Variants in IRAK4 observed in about 807,000 individuals in gnomAD.
IRAK4 encodes interleukin 1 receptor associated kinase 4.
IRAK4 carries 44 observed loss-of-function variants against 51.8 expected under a neutral mutation model. The observed-to-expected ratio is 0.85, with a 90% CI of 0.67 to 1.09. IRAK4 has a LOEUF of 1.09. IRAK4 is among the 50% of genes least tolerant of loss of function. The pLI is 0.00. For synonymous variants in IRAK4, 149 were observed against 174.1 expected (o/e 0.86, Z 1.13); for missense variants, 487 against 538.0 (o/e 0.91, Z 0.94).
At position 43,768,085 on chromosome 12, in the gene IRAK4, G is replaced by T; in HGVS notation, c.-9-18G>T. 2 of 1,599,832 alleles carry T rather than the reference G, an allele frequency of 1.3e-6. No homozygotes were observed. Among genetic ancestry groups the T allele is most frequent in the Non-Finnish European group, 8.6e-7 (1 of 1,168,068 alleles). ...TAAAAGTACTGTAAAATTTTAATGA[G>T]ATTTTTCCATATTTTAGGAATAGAA... On this transcript the variant is annotated intron_variant, in intron 1 of 11. Coordinates refer to ENST00000613694, the MANE Select transcript of IRAK4 (RefSeq NM_016123.4).
intron 3 of IRAK4, 66 bp from the exon 4 acceptor site, chr12:43,772,114 A>G: frequency 1.6e-6 from 2 of 1,253,016 alleles, no homozygotes; most frequent in Non-Finnish European, 2.3e-6. Flanking sequence ...CCAAGTTTCT[A>G]GTTTAACTTT....
intron 6 of IRAK4, among the ~76,000 whole-genome samples, chr12:43,776,614 A>G (rs549571082): frequency 3.3e-5 from 5 of 152,354 alleles, no homozygotes; most frequent in African/African-American, 1.2e-4. Flanking sequence ...CAGCATCCAT[A>G]TTACATACTG....
chr12:43,778,529 G>T (rs368250591), intron 8 of IRAK4, among the ~76,000 whole-genome samples: 1 of 151,986 alleles, frequency 6.6e-6, no homozygotes, highest in Non-Finnish European at 1.5e-5. Context: ...TGTTTTAATA[G>T]TAGTTTATTC....
At chr12:43,780,295 A>G (rs1941662008) in intron 8 of IRAK4, among the ~76,000 whole-genome samples, 2 of 152,196 alleles carry the variant, frequency 1.3e-5, no homozygotes, top group Admixed American at 6.5e-5. Context: ...AGTGAAGGGG[A>G]CAGCTAGAAA....
At chr12:43,764,767 C>A (rs1248981405) in intron 1 of IRAK4, among the ~76,000 whole-genome samples, 2 of 151,128 alleles carry the variant, frequency 1.3e-5, no homozygotes, top group East Asian at 3.9e-4. Context: ...TGAAGCTTTC[C>A]CAGGTGTTTT....
At chr12:43,761,808 C>T (rs1939587648) in intron 1 of IRAK4, among the ~76,000 whole-genome samples, 1 of 152,202 alleles carries the variant, frequency 6.6e-6, no homozygotes, top group South Asian at 2.1e-4. Context: ...ATTCCATAAG[C>T]AGGTGCTTAT....
chr12:43,784,354 A>G (rs1163471736), intron 10 of IRAK4, among the ~76,000 whole-genome samples: 2 of 152,104 alleles, frequency 1.3e-5, no homozygotes, highest in Non-Finnish European at 2.9e-5. Context: ...ATCTCCTCCA[A>G]TTTAATTCTG....
chr12:43,764,625 A>G (rs917721258), intron 1 of IRAK4, among the ~76,000 whole-genome samples: 1 of 152,180 alleles, frequency 6.6e-6, no homozygotes, highest in Admixed American at 6.5e-5. Context: ...TTGGGAAACA[A>G]AAAGAAGTCA....
In IRAK4 at chr12:43,777,660, T is replaced by C. The variant is rs1399012494; in HGVS notation, c.747T>C (p.Leu249=). Residue 249 remains leucine (L), a synonymous_variant, in exon 7 of 12, where the codon CTT becomes CTC. Transcript: ENST00000613694. ...AACATGAAAACTTAGTAGAACTACTTGGTTTCTCAAGTGATGGAGATGACC... is the reference window on the plus strand; with the variant it reads ...AACATGAAAACTTAGTAGAACTACTCGGTTTCTCAAGTGATGGAGATGACC... ...KCQHENLVEL[L]GFSSDGDDLC... The C allele has an allele frequency of 6.2e-7, 1 of 1,609,740 alleles. No individual in the cohort carries two copies. The highest frequency in any genetic ancestry group is 8.5e-7 in the Non-Finnish European group (1 of 1,177,980).
intron 1 of IRAK4, among the ~76,000 whole-genome samples, chr12:43,761,598 T>C (rs971505522): frequency 2.6e-5 from 4 of 152,188 alleles, no homozygotes; most frequent in East Asian, 3.8e-4. Flanking sequence ...TGCAGAGAAA[T>C]GTATTTACTA....
Position 43,772,970 on chromosome 12 carries a change from A to G in IRAK4, c.549A>G (p.Arg183=). 1 of 1,611,646 alleles carries G rather than the reference A, an allele frequency of 6.2e-7. No homozygotes were observed. The highest frequency in any genetic ancestry group is 2.2e-5 in the East Asian group (1 of 44,782). ...ATGTCACAAATAACTTTGATGAACG[A>G]CCCATTTCTGTTGGTGGTAATAAAA... ...LKNVTNNFDE[R]PISVGGNKMG... is the part of the protein sequence containing the mutation. The change falls in exon 5 of 12, where the codon CGA becomes CGG. Residue 183 remains arginine (R), a synonymous_variant. Transcript: ENST00000613694.
At chr12:43,773,638 G>T (rs1365111648) in intron 5 of IRAK4, among the ~76,000 whole-genome samples, 1 of 151,468 alleles carries the variant, frequency 6.6e-6, no homozygotes, top group Non-Finnish European at 1.5e-5. Flanking sequence ...GCTTTTGTAG[G>T]GTTTTTTTTT....
chr12:43,766,472 G>C (rs1347749452), intron 1 of IRAK4, among the ~76,000 whole-genome samples: 1 of 151,946 alleles, frequency 6.6e-6, no homozygotes, highest in Admixed American at 6.6e-5. Context: ...CCCTGTCACT[G>C]TTTGTATCCC....
chr12:43,770,578 A>T (rs1940643440), intron 2 of IRAK4, among the ~76,000 whole-genome samples: 1 of 152,160 alleles, frequency 6.6e-6, no homozygotes, highest in African/African-American at 2.4e-5. Context: ...TCCAGTAAGT[A>T]CCCAGTAAAT....
At chr12:43,777,912 A>G (rs780051263) in intron 7 of IRAK4, among the ~76,000 whole-genome samples, 168 bp downstream of exon 7, 20 of 152,236 alleles carry the variant, frequency 1.3e-4, no homozygotes, top group South Asian at 2.1e-4. Context: ...TATGTCAACA[A>G]CTGGGTTGCC....
intron 1 of IRAK4, chr12:43,759,441 G>C (rs998117054): frequency 1.3e-5 from 2 of 152,398 alleles, no homozygotes; most frequent in African/African-American, 2.4e-5. Context: ...ATTGTAATTC[G>C]CTTGTTTCTC....
rs753538997 is a variant in IRAK4, at chr12:43,773,033, C to T, written c.612C>T (p.Tyr204=). The T allele has an allele frequency of 1.1e-5, 18 of 1,612,966 alleles. No individual in the cohort carries two copies. In the Middle Eastern group the frequency reaches 5.0e-4, roughly 44 times the overall value. ...EGGFGVVYKG[Y]VNNTTVAVKK... ...GATTTGGAGTTGTATATAAAGGCTA[C>T]GTAAATAACACAACTGTGGCAGTGA... The change falls in exon 5 of 12, where the codon TAC becomes TAT. Residue 204 remains tyrosine, a synonymous_variant. Coordinates refer to ENST00000613694, the MANE Select transcript of IRAK4 (RefSeq NM_016123.4).
chr12:43,789,387 G>C lies in IRAK4; in HGVS notation c.*2672G>C, dbSNP rs1942416624. 1 of 152,182 alleles carries C rather than the reference G, an allele frequency of 6.6e-6. No individual in the cohort carries two copies. Among genetic ancestry groups the C allele is most frequent in the Non-Finnish European group, 1.5e-5 (1 of 68,040 alleles). 9.4% of individuals were successfully genotyped at this position (152,182 alleles called of 1,614,324 possible). On this transcript the variant is annotated 3_prime_UTR_variant, in exon 12 of 12. Transcript: ENST00000613694. ...CCAGGCAAATATTGGTGCCGTGCTA[G>C]TATGGCCTGCAGAACCGTAAGCCAA...
chr12:43,762,891 A>C (rs987288737), intron 1 of IRAK4, among the ~76,000 whole-genome samples: 1 of 152,174 alleles, frequency 6.6e-6, no homozygotes, highest in Admixed American at 6.5e-5. Flanking sequence ...CCCTTCAAAT[A>C]TATCTGTATT....
Sources: allele counts gnomAD v4.1 joint callset (sites outside exome capture counted in the v4.1 genomes callset), GRCh38; gene constraint gnomAD v4.1.1; transcripts MANE v1.5; gene names NCBI Gene and HGNC (gene_info 2026-07-23, HGNC 2026-07-21).